Variants in VPS13B observed in about 807,000 individuals in gnomAD.
VPS13B encodes intermembrane lipid transfer protein VPS13B.
Under a neutral mutation model 426.4 loss-of-function variants are expected in VPS13B, and 285 were observed. The observed-to-expected ratio is 0.67, with a 90% confidence interval of 0.61 to 0.74. The LOEUF (loss-of-function observed/expected upper bound fraction) is 0.74, where lower values mean the gene tolerates loss of function less well. Ranked by LOEUF, VPS13B falls within the 30% of genes least tolerant of loss-of-function variation. The pLI is 0.00. For synonymous variants in VPS13B, 1,676 were observed against 1,676.4 expected (o/e 1.00, Z 0.01); for missense variants, 4,537 against 4,782.6 (o/e 0.95, Z 1.51).
chr8:99,379,183 T>C (rs552302908), intron 19 of VPS13B, among the ~76,000 whole-genome samples: 9 of 152,306 alleles, frequency 5.9e-5, no homozygotes, highest in Non-Finnish European at 1.0e-4. Context: ...GGTTTCATCC[T>C]GAAACCATTC....
chr8:99,179,966 C>T (rs987881864), intron 16 of VPS13B, among the ~76,000 whole-genome samples: 1 of 152,076 alleles, frequency 6.6e-6, no homozygotes, highest in African/African-American at 2.4e-5. Context: ...ATGTTAATTA[C>T]TTAAATTAAA....
chr8:99,044,929 G>A (rs1349636743), intron 3 of VPS13B, among the ~76,000 whole-genome samples: 1 of 146,298 alleles, frequency 6.8e-6, no homozygotes, highest in East Asian at 2.0e-4. Context: ...TTCTTTATCC[G>A]CTCGTCGATT....
intron 23 of VPS13B, among the ~76,000 whole-genome samples, chr8:99,450,854 C>T (rs999377481): frequency 1.2e-4 from 18 of 151,796 alleles, no homozygotes; most frequent in Non-Finnish European, 2.5e-4. Context: ...TCTTTGAAAC[C>T]AATTATTTAG....
chr8:99,603,132 C>T (rs956301983), intron 33 of VPS13B, among the ~76,000 whole-genome samples: 15 of 152,092 alleles, frequency 9.9e-5, no homozygotes, highest in Admixed American at 7.2e-4. Context: ...AATGATACAA[C>T]GACATTCCTA....
At chr8:99,732,251 G>GA (rs1423510471) in intron 39 of VPS13B, among the ~76,000 whole-genome samples, 3 of 152,158 alleles carry the variant, frequency 2.0e-5, no homozygotes, top group East Asian at 1.9e-4. Flanking sequence ...CTAGGACTGC[G>GA]AATGTCTCTA....
chr8:99,304,220 A>G (rs1271298264), intron 19 of VPS13B, among the ~76,000 whole-genome samples: 1 of 152,210 alleles, frequency 6.6e-6, no homozygotes, highest in Non-Finnish European at 1.5e-5. Context: ...ACATCAAAAT[A>G]GTAGTTATTA....
intron 39 of VPS13B, among the ~76,000 whole-genome samples, chr8:99,736,945 G>A (rs898459293): frequency 2.0e-5 from 3 of 151,612 alleles, no homozygotes; most frequent in African/African-American, 4.8e-5. Flanking sequence ...TTTTCCCAAG[G>A]GCATTCCATT....
chr8:99,477,355 G>T (rs940626676), intron 24 of VPS13B, among the ~76,000 whole-genome samples: 8 of 151,974 alleles, frequency 5.3e-5, no homozygotes, highest in African/African-American at 1.9e-4. Flanking sequence ...TTTGTTGTTT[G>T]CTTTTTGTTT....
intron 55 of VPS13B, among the ~76,000 whole-genome samples, chr8:99,849,760 T>TA (rs1290878617): frequency 1.3e-5 from 2 of 152,102 alleles, no homozygotes; most frequent in African/African-American, 4.8e-5. Flanking sequence ...CATAGGGAAA[T>TA]AGATGATACA....
chr8:99,428,386 C>T (rs1330827509), intron 21 of VPS13B, among the ~76,000 whole-genome samples: 1 of 152,090 alleles, frequency 6.6e-6, no homozygotes, highest in Non-Finnish European at 1.5e-5. Context: ...GCAATCTACC[C>T]ATCTGACAAA....
chr8:99,835,159 C>T (rs754841403), intron 52 of VPS13B, 38 bp from the exon 53 acceptor site: 12 of 1,612,244 alleles, frequency 7.4e-6, no homozygotes, highest in Non-Finnish European at 1.0e-5. Context: ...CATTTTTTTT[C>T]CTAAACATTT....
At chr8:99,534,501 T>C (rs1204996898) in intron 30 of VPS13B, among the ~76,000 whole-genome samples, 3 of 152,204 alleles carry the variant, frequency 2.0e-5, no homozygotes, top group Non-Finnish European at 4.4e-5. Flanking sequence ...TACTTCTTTC[T>C]AATATATTTT....
chr8:99,557,090 G>A lies in VPS13B; in HGVS notation c.4949+437G>A, dbSNP rs1824623213. 4.6e-5 allele frequency among the ~76,000 whole-genome samples: 7 copies of A among 152,064 alleles called. No individual in the cohort carries two copies. In the South Asian group the frequency reaches 1.5e-3, roughly 32 times the overall value. ...AAAAACAAGAGTTTCTGGCTCTAGG[G>A]TTTTTTCCATCCACTTTAACTAAAA... is the stretch of plus-strand genomic sequence containing the variant. On this transcript the variant is annotated intron_variant, in intron 31 of 61. Coordinates refer to ENST00000357162, the MANE Select transcript of VPS13B (RefSeq NM_152564.5).
intron 23 of VPS13B, among the ~76,000 whole-genome samples, chr8:99,454,898 T>G (rs1429866165): frequency 6.6e-6 from 1 of 152,180 alleles, no homozygotes; most frequent in Non-Finnish European, 1.5e-5. Context: ...CATCTTTTTA[T>G]ACGCTTATTT....
At chr8:99,517,028 C>T (rs947373525) in intron 29 of VPS13B, among the ~76,000 whole-genome samples, 8 of 152,016 alleles carry the variant, frequency 5.3e-5, no homozygotes, top group Non-Finnish European at 1.0e-4. Context: ...TTTATTGAAA[C>T]GTTTGTCTTC....
At chr8:99,052,791 T>C (rs1445669540) in intron 3 of VPS13B, among the ~76,000 whole-genome samples, 2 of 152,268 alleles carry the variant, frequency 1.3e-5, no homozygotes, top group Non-Finnish European at 2.9e-5. Context: ...TTTATCCATT[T>C]CTTCTAGATT....
chr8:99,832,141 AGTCCCTGCTACTTG>A (rs1815099025), intron 51 of VPS13B, among the ~76,000 whole-genome samples: 2 of 151,924 alleles, frequency 1.3e-5, no homozygotes, highest in African/African-American at 4.8e-5. Context: ...ATGTGCCTGT[AGTCCCTGCTACTTG>A]GGAGACTGAG....
intron 44 of VPS13B, among the ~76,000 whole-genome samples, chr8:99,810,614 T>G (rs868510294): frequency 3.9e-4 from 59 of 152,212 alleles, no homozygotes; most frequent in Admixed American, 3.3e-4. Flanking sequence ...CATGGAAGAC[T>G]CTTCCCAATT....
At chr8:99,260,379 C>G (rs1817979830) in intron 17 of VPS13B, among the ~76,000 whole-genome samples, 2 of 152,086 alleles carry the variant, frequency 1.3e-5, no homozygotes, top group East Asian at 1.9e-4. Context: ...GAAAAACAAA[C>G]CTAAACCTCT....
Sources: gnomAD v4.1 joint callset for allele counts (sites outside exome capture counted in the v4.1 genomes callset) on GRCh38, gnomAD v4.1.1 for gene constraint, MANE v1.5 for transcripts, NCBI Gene and HGNC (gene_info 2026-07-23, HGNC 2026-07-21) for gene names.